The following PDGFC variants were observed in gnomAD, a reference collection of about 807,000 sequenced individuals.
The protein encoded by PDGFC is platelet-derived growth factor C.
PDGFC carries 12 observed loss-of-function variants against 35.5 expected under a neutral mutation model. That is an observed-to-expected ratio of 0.34 (90% confidence interval 0.22 to 0.55). PDGFC has a LOEUF of 0.55. Among genes scored for constraint, PDGFC ranks in the 20% least tolerant of loss-of-function variants. PDGFC has a pLI of 0.91. For synonymous variants in PDGFC, 159 were observed against 148.8 expected (o/e 1.07, Z -0.50); for missense variants, 322 against 412.4 (o/e 0.78, Z 1.90).
chr4:156,874,902 G>A (rs2111154305), intron 1 of PDGFC, among the ~76,000 whole-genome samples: 1 of 151,912 alleles, frequency 6.6e-6, no homozygotes, highest in South Asian at 2.1e-4. Flanking sequence ...TTTTTTTGTA[G>A]AGAAGGGTTT....
chr4:156,904,290 T>A lies in PDGFC; in HGVS notation c.119-53874A>T, dbSNP rs187472244. Among the ~76,000 whole-genome samples, 730 of 152,112 alleles carry A rather than the reference T, an allele frequency of 4.8e-3. 3 individuals carry two copies. The highest frequency in any genetic ancestry group is 6.6e-3 in the Non-Finnish European group (448 of 67,900). ...GCTGGAAAAAGGAAAGAGATCATAATTAAAAGCCTTTTATGGTCAGTCATT... is the reference window on the plus strand; with the variant it reads ...GCTGGAAAAAGGAAAGAGATCATAAATAAAAGCCTTTTATGGTCAGTCATT... On this transcript the variant is annotated intron_variant, in intron 1 of 5. Transcript: ENST00000502773.
At chr4:156,861,904 A>G (rs1729720910) in intron 1 of PDGFC, among the ~76,000 whole-genome samples, 1 of 152,112 alleles carries the variant, frequency 6.6e-6, no homozygotes, top group Non-Finnish European at 1.5e-5. Context: ...GCAAAGTAGC[A>G]ATTATTATCC....
intron 2 of PDGFC, among the ~76,000 whole-genome samples, chr4:156,848,426 T>A (rs1342620148): frequency 2.0e-5 from 3 of 151,910 alleles, no homozygotes; most frequent in Admixed American, 6.6e-5. Flanking sequence ...CAAAGTTTTA[T>A]TGCTCTTTTG....
chr4:156,845,917 A>G (rs1350046008), intron 2 of PDGFC, among the ~76,000 whole-genome samples: 1 of 151,864 alleles, frequency 6.6e-6, no homozygotes, highest in African/African-American at 2.4e-5. Context: ...ATCATAGGCA[A>G]GACTAAGTGA....
intron 2 of PDGFC, among the ~76,000 whole-genome samples, chr4:156,813,384 A>G (rs983705637): frequency 2.0e-5 from 3 of 152,102 alleles, no homozygotes; most frequent in Non-Finnish European, 4.4e-5. Context: ...TGGGTCCATA[A>G]AACACATTGG....
intron 1 of PDGFC, among the ~76,000 whole-genome samples, chr4:156,943,026 G>A (rs1731846571): frequency 6.6e-6 from 1 of 152,002 alleles, no homozygotes; most frequent in Non-Finnish European, 1.5e-5. Flanking sequence ...TTTTCAGTGA[G>A]TGAATTCCCT....
intron 2 of PDGFC, among the ~76,000 whole-genome samples, chr4:156,837,693 C>T (rs1729095595): frequency 6.6e-6 from 1 of 151,970 alleles, no homozygotes; most frequent in Non-Finnish European, 1.5e-5. Flanking sequence ...TGTGCAATAT[C>T]AAACAGACAA....
At chr4:156,790,394 A>C (rs1421189840) in intron 3 of PDGFC, among the ~76,000 whole-genome samples, 1 of 152,226 alleles carries the variant, frequency 6.6e-6, no homozygotes, top group Non-Finnish European at 1.5e-5. Context: ...TTAGTTAAAA[A>C]TGGAATGGAC....
At chr4:156,856,527 A>G (rs1331310039) in intron 1 of PDGFC, among the ~76,000 whole-genome samples, 1 of 151,952 alleles carries the variant, frequency 6.6e-6, no homozygotes, top group Admixed American at 6.6e-5. Context: ...CCTGGTGTAC[A>G]CTCCCTTTAG....
At chr4:156,817,622 C>T (rs1270465166) in intron 2 of PDGFC, among the ~76,000 whole-genome samples, 1 of 152,070 alleles carries the variant, frequency 6.6e-6, no homozygotes, top group Non-Finnish European at 1.5e-5. Context: ...CCCTGTCTCC[C>T]TCTCTCTTTT....
At chr4:156,958,037 G>T (rs1172749598) in intron 1 of PDGFC, among the ~76,000 whole-genome samples, 2 of 151,876 alleles carry the variant, frequency 1.3e-5, no homozygotes, top group African/African-American at 4.8e-5. Flanking sequence ...CTTTTCTAAT[G>T]GCTCAACTAA....
In PDGFC at chr4:156,835,253, C is replaced by T. The variant is rs370206940; in HGVS notation, c.314+14968G>A. On this transcript the variant is annotated intron_variant, in intron 2 of 5. Coordinates refer to ENST00000502773, the MANE Select transcript of PDGFC (RefSeq NM_016205.3). ...TGAGATAATGAAAATCACCTCACATCGGTCAGACTGGCAATTATTAAAAAG... is the reference window on the plus strand; with the variant it reads ...TGAGATAATGAAAATCACCTCACATTGGTCAGACTGGCAATTATTAAAAAG... Among the ~76,000 whole-genome samples the T allele has an allele frequency of 6.6e-5, 10 of 152,178 alleles. No individual in the cohort carries two copies. In the East Asian group the frequency reaches 1.2e-3, roughly 18 times the overall value.
chr4:156,761,713 C>G lies in PDGFC; in HGVS notation c.*1377G>C, dbSNP rs1021947239. Reference sequence around the variant, plus strand: ...CCTAGGCACGATATTAAGCATTTTACAAGCAAAATATTTTACTGATTTTCT... The same window carrying G: ...CCTAGGCACGATATTAAGCATTTTAGAAGCAAAATATTTTACTGATTTTCT... On this transcript the variant is annotated 3_prime_UTR_variant, in exon 6 of 6. Coordinates refer to ENST00000502773, the MANE Select transcript of PDGFC (RefSeq NM_016205.3). 1 of 152,574 alleles carries G rather than the reference C, an allele frequency of 6.6e-6. No individual in the cohort carries two copies. Among genetic ancestry groups the G allele is most frequent in the Non-Finnish European group, 1.5e-5 (1 of 68,014 alleles). The allele number at this position is 152,574 out of a possible 1,614,324, so 9.5% of individuals were successfully genotyped here.
At chr4:156,902,240 T>C (rs770912977) in intron 1 of PDGFC, among the ~76,000 whole-genome samples, 9 of 152,214 alleles carry the variant, frequency 5.9e-5, no homozygotes, top group Admixed American at 3.3e-4. Context: ...TCATCAAATA[T>C]TTCAAACAAA....
At chr4:156,790,260 T>C (rs1010024209) in intron 3 of PDGFC, among the ~76,000 whole-genome samples, 2 of 152,200 alleles carry the variant, frequency 1.3e-5, no homozygotes, top group African/African-American at 4.8e-5. Flanking sequence ...CATGCATTAT[T>C]AGCAATGGTG....
At position 156,827,253 on chromosome 4, in the gene PDGFC, T is replaced by C. The variant is rs531261275; in HGVS notation, c.315-16236A>G. ...TAACATGGTGAAACCTCGTCTCTAC[T>C]AAAAATACAAAAAATTAGCCGGGTG... On this transcript the variant is annotated intron_variant, in intron 2 of 5. Coordinates refer to ENST00000502773, the MANE Select transcript of PDGFC (RefSeq NM_016205.3). Among the ~76,000 whole-genome samples the C allele has an allele frequency of 4.0e-4, 61 of 152,014 alleles. No homozygotes were observed. The South Asian group carries it at 0.011, about 28-fold the overall frequency.
intron 3 of PDGFC, among the ~76,000 whole-genome samples, chr4:156,796,491 A>AT (rs35891804): frequency 0.018 from 1,865 of 101,596 alleles, 18 homozygotes; most frequent in Non-Finnish European, 0.022. Flanking sequence ...ACCACTTTGT[A>AT]TTTTTTTTTT....
intron 5 of PDGFC, among the ~76,000 whole-genome samples, chr4:156,766,831 C>T (rs551447753): frequency 3.9e-5 from 6 of 152,098 alleles, no homozygotes; most frequent in East Asian, 3.9e-4. Context: ...ACTGGATTCG[C>T]GAAGACAAGG....
intron 1 of PDGFC, among the ~76,000 whole-genome samples, chr4:156,891,822 G>A (rs538825443): frequency 2.6e-4 from 40 of 152,308 alleles, no homozygotes; most frequent in Non-Finnish European, 4.7e-4. Context: ...CATTCATAAT[G>A]CCAAAGGTAA....
Sources: allele counts gnomAD v4.1 joint callset (sites outside exome capture counted in the v4.1 genomes callset), GRCh38; gene constraint gnomAD v4.1.1; transcripts MANE v1.5; gene names NCBI Gene and HGNC (gene_info 2026-07-23, HGNC 2026-07-21).